The following ELAVL2 variants were observed in gnomAD, a reference collection of about 807,000 sequenced individuals.
ELAVL2 encodes ELAV-like protein 2.
A neutral mutation model predicts 34.6 loss-of-function variants in ELAVL2; 4 were observed. The ratio of observed to expected loss-of-function variants is 0.12; its 90% CI spans 0.06 to 0.26. ELAVL2 has a LOEUF of 0.26. Ranked by LOEUF, ELAVL2 falls within the 10% of genes least tolerant of loss-of-function variation. The pLI is 1.00. For missense variants in ELAVL2, 432 were observed against 442.8 expected (o/e 0.98, Z 0.22); for synonymous variants, 193 against 154.8 (o/e 1.25, Z -1.83).
chr9:23,743,036 C>G (rs2049642638), intron 2 of ELAVL2, among the ~76,000 whole-genome samples: 1 of 151,988 alleles, frequency 6.6e-6, no homozygotes, highest in Non-Finnish European at 1.5e-5. Flanking sequence ...CTCTCTGAAG[C>G]AATAAAGAAA....
rs771275882 is a variant in ELAVL2 at position 23,692,745 on chromosome 9, G to C, written c.892C>G (p.Pro298Ala). 6 of 1,614,156 alleles carry C rather than the reference G, an allele frequency of 3.7e-6. No individual in the cohort carries two copies. Among genetic ancestry groups the C allele is most frequent in the South Asian group, 1.1e-5 (1 of 91,082 alleles). ...TTCACATTGGTGACAGCTCCAAAAGGCCCAAACATTTGCCACAGGATACTC... is the reference window on the plus strand; with the variant it reads ...TTCACATTGGTGACAGCTCCAAAAGCCCCAAACATTTGCCACAGGATACTC... ...DESILWQMFG[P>A]FGAVTNVKVI... Residue 298 changes from proline to alanine, a missense_variant, in exon 7 of 7, where the codon CCT becomes GCT. Transcript: ENST00000397312.
Position 23,693,550 on chromosome 9 carries a change from G to C in ELAVL2, c.714-64C>G, listed in dbSNP as rs370429986. 6.8e-5 allele frequency: 108 copies of C among 1,591,044 alleles called. No homozygotes were observed. In the African/African-American group the frequency reaches 1.3e-3, roughly 19 times the overall value. ...TTTCCCCTTGATGTTCAAGAAAGTTGGGCTCATTACTGCCATCTTCCGAGG... is the reference window on the plus strand; with the variant it reads ...TTTCCCCTTGATGTTCAAGAAAGTTCGGCTCATTACTGCCATCTTCCGAGG... On this transcript the variant is annotated intron_variant, in intron 5 of 6. Transcript: ENST00000397312.
the ELAVL2 span, chr9:23,831,653 G>A: frequency 6.6e-6 from 1 of 152,254 alleles, no homozygotes; most frequent in African/African-American, 2.4e-5. Flanking sequence ...GTAGAGAGAA[G>A]CCCAGATCCT....
intron 3 of ELAVL2, 60 bp from the exon 4 acceptor site, chr9:23,705,131 A>C: frequency 6.3e-7 from 1 of 1,589,110 alleles, no homozygotes; most frequent in Non-Finnish European, 8.6e-7. Context: ...CTCCCTTTAG[A>C]AACTCAAAAA....
At chr9:23,821,749 C>A (rs914645534) in intron 1 of ELAVL2, 2 of 149,186 alleles carry the variant, frequency 1.3e-5, no homozygotes, top group African/African-American at 2.4e-5. Flanking sequence ...GCGGAACCCC[C>A]GCCCCACCCG....
the ELAVL2 span, among the ~76,000 whole-genome samples, chr9:23,839,792 A>G: frequency 6.6e-6 from 1 of 152,188 alleles, no homozygotes; most frequent in Non-Finnish European, 1.5e-5. Flanking sequence ...TATATAAAGA[A>G]AGCAAAACAT....
At chr9:23,766,046 A>T (rs927965958) in intron 1 of ELAVL2, among the ~76,000 whole-genome samples, 1 of 152,212 alleles carries the variant, frequency 6.6e-6, no homozygotes, top group Non-Finnish European at 1.5e-5. Context: ...GTTTCTAAAA[A>T]TAGACAGTGA....
rs2050934462 is a variant in ELAVL2, at chr9:23,748,016, A to T, written c.229+13990T>A. 3.3e-5 allele frequency among the ~76,000 whole-genome samples: 5 copies of T among 152,170 alleles called. No homozygotes were observed. In the South Asian group the frequency reaches 1.0e-3, roughly 32 times the overall value. Reference sequence around the variant, plus strand: ...CCACCTGCCTCTCTAGCTTCAACATACATCAGCATCTGTCTCCCAAGGTTG... The same window carrying T: ...CCACCTGCCTCTCTAGCTTCAACATTCATCAGCATCTGTCTCCCAAGGTTG... On this transcript the variant is annotated intron_variant, in intron 2 of 6. Coordinates refer to ENST00000397312, the MANE Select transcript of ELAVL2 (RefSeq NM_004432.5).
chr9:23,702,508 A>G (rs578072008), intron 4 of ELAVL2, among the ~76,000 whole-genome samples: 1 of 152,220 alleles, frequency 6.6e-6, no homozygotes, highest in East Asian at 1.9e-4. Context: ...ACAGCTGGTC[A>G]TCATGAGATA....
At chr9:23,697,307 G>A (rs2035592191) in intron 5 of ELAVL2, among the ~76,000 whole-genome samples, 1 of 152,150 alleles carries the variant, frequency 6.6e-6, no homozygotes, top group Non-Finnish European at 1.5e-5. Flanking sequence ...CTTAGTACAA[G>A]CTACATTATA....
Position 23,740,640 on chromosome 9 carries a change from C to CTA in ELAVL2, c.230-9516_230-9515insTA, listed in dbSNP as rs1237489289. Among the ~76,000 whole-genome samples, 420 of 151,930 alleles carry CTA rather than the reference C, an allele frequency of 2.8e-3. 1 individual carries two copies. The highest frequency in any genetic ancestry group is 8.4e-3 in the African/African-American group (346 of 41,426). On this transcript the variant is annotated intron_variant, in intron 2 of 6. Coordinates refer to ENST00000397312, the MANE Select transcript of ELAVL2 (RefSeq NM_004432.5). ...TTTCTTAATCCATCCAAGAGACTAT[C>CTA]TGTGAAAGAAAAAAAAAATGACCTG...
At chr9:23,844,703 C>G in the ELAVL2 span, among the ~76,000 whole-genome samples, 1 of 151,962 alleles carries the variant, frequency 6.6e-6, no homozygotes, top group South Asian at 2.1e-4. Flanking sequence ...TTTATAATCT[C>G]TATTTTTAAA....
At chr9:23,791,701 G>C (rs910063515) in intron 1 of ELAVL2, among the ~76,000 whole-genome samples, 1 of 152,158 alleles carries the variant, frequency 6.6e-6, no homozygotes, top group Non-Finnish European at 1.5e-5. Context: ...CATACCCAGA[G>C]TAAAAGCTAA....
chr9:23,761,927 A>T (rs540763387), intron 2 of ELAVL2, 79 bp downstream of exon 2: 2 of 1,444,200 alleles, frequency 1.4e-6, no homozygotes, highest in African/African-American at 2.8e-5. Context: ...TGAATTATTT[A>T]CAAGCAGTAA....
At chr9:23,693,553 C>T in intron 5 of ELAVL2, 67 bp from the exon 6 acceptor site, 1 of 1,557,910 alleles carries the variant, frequency 6.4e-7, no homozygotes, top group Non-Finnish European at 8.9e-7. Flanking sequence ...GAAAGTTGGG[C>T]TCATTACTGC....
chr9:23,804,670 CA>C (rs1030527168), intron 1 of ELAVL2, among the ~76,000 whole-genome samples: 3 of 151,722 alleles, frequency 2.0e-5, no homozygotes, highest in South Asian at 2.1e-4. Context: ...TAGTCACTGC[CA>C]AAAAAAACTT....
intron 1 of ELAVL2, among the ~76,000 whole-genome samples, chr9:23,780,971 A>T (rs1564436046): frequency 6.6e-6 from 1 of 152,198 alleles, no homozygotes; most frequent in Non-Finnish European, 1.5e-5. Flanking sequence ...AAAAAAGACT[A>T]GAACGAAGGT....
At chr9:23,713,166 T>C (rs995675680) in intron 3 of ELAVL2, among the ~76,000 whole-genome samples, 1 of 152,228 alleles carries the variant, frequency 6.6e-6, no homozygotes, top group African/African-American at 2.4e-5. Context: ...TCCTTGGTTC[T>C]AGTATGAAGT....
chr9:23,756,859 T>A (rs1186809395), intron 2 of ELAVL2, among the ~76,000 whole-genome samples: 2 of 152,152 alleles, frequency 1.3e-5, no homozygotes, highest in African/African-American at 4.8e-5. Flanking sequence ...AACGAGTACC[T>A]TCCAGGTCCC....
Sources: allele counts gnomAD v4.1 joint callset (sites outside exome capture counted in the v4.1 genomes callset), GRCh38; gene constraint gnomAD v4.1.1; transcripts MANE v1.5; gene names NCBI Gene and HGNC (gene_info 2026-07-23, HGNC 2026-07-21).